KIF21A: variants seen among roughly 807,000 people sequenced by gnomAD.
KIF21A encodes kinesin-like protein KIF21A.
Under a neutral mutation model 202.9 loss-of-function variants are expected in KIF21A, and 114 were observed. That is an observed-to-expected ratio of 0.56 (90% CI 0.48 to 0.66). KIF21A has a LOEUF of 0.66. Among genes scored for constraint, KIF21A ranks in the 30% least tolerant of loss-of-function variants. The probability of loss-of-function intolerance (pLI) is 0.00; values close to 1 mark genes in which losing one functional copy is unlikely to be tolerated. For synonymous variants in KIF21A, 667 were observed against 670.8 expected (o/e 0.99, Z 0.09); for missense variants, 1,677 against 1,994.9 (o/e 0.84, Z 3.04).
chr12:39,352,048 T>C (rs994429769), intron 10 of KIF21A, 68 bp from the exon 11 acceptor site: 1 of 1,081,404 alleles, frequency 9.2e-7, no homozygotes, highest in Non-Finnish European at 1.4e-6. Context: ...TAACATAAAG[T>C]GTACCACACT....
At chr12:39,430,224 A>G (rs992609910) in intron 1 of KIF21A, among the ~76,000 whole-genome samples, 3 of 151,972 alleles carry the variant, frequency 2.0e-5, no homozygotes, top group Middle Eastern at 3.4e-3. Context: ...ATAAAAACGT[A>G]AATAAATAAA....
At chr12:39,319,335 C>T (rs904985346) in intron 28 of KIF21A, among the ~76,000 whole-genome samples, 1 of 151,966 alleles carries the variant, frequency 6.6e-6, no homozygotes, top group African/African-American at 2.4e-5. Flanking sequence ...TTGTAAACGC[C>T]CAGTTAAGTG....
chr12:39,336,822 T>C (rs1592216634), intron 17 of KIF21A, among the ~76,000 whole-genome samples: 3 of 152,202 alleles, frequency 2.0e-5, no homozygotes, highest in East Asian at 1.9e-4. Context: ...ATCCTAGAGA[T>C]AACCAGTCAT....
rs553243565 is a variant in KIF21A at position 39,327,050 on chromosome 12, C to T, written c.3341-726G>A. On this transcript the variant is annotated intron_variant, in intron 24 of 37. Coordinates refer to ENST00000361418, the MANE Select transcript of KIF21A (RefSeq NM_001173464.2). ...AAATAAAACAGCCACAGAAAGTAAA[C>T]GACTTAAAATGCCAGCGAGCCCCTA... Among the ~76,000 whole-genome samples the T allele has an allele frequency of 2.6e-3, 400 of 151,066 alleles. 3 individuals are homozygous for T. Among genetic ancestry groups the T allele is most frequent in the African/African-American group, 8.8e-3 (360 of 41,102 alleles).
intron 4 of KIF21A, among the ~76,000 whole-genome samples, chr12:39,367,627 G>C (rs1443470642): frequency 1.3e-5 from 2 of 152,126 alleles, no homozygotes; most frequent in Non-Finnish European, 2.9e-5. Flanking sequence ...TCTTTCTCTA[G>C]CTGTGAATGA....
intron 1 of KIF21A, among the ~76,000 whole-genome samples, chr12:39,425,814 C>A (rs1170127038): frequency 6.6e-6 from 1 of 151,566 alleles, no homozygotes; most frequent in Non-Finnish European, 1.5e-5. Context: ...GAGTCAGGTT[C>A]AAGCAAGTCT....
At position 39,436,448 on chromosome 12, in the gene KIF21A, A is replaced by ATTTT. The variant is rs1160949360; in HGVS notation, c.44+6475_44+6478dup. ...TATATATATATATATATATATATATATTTTTTTTTTTTTTAGACAGGGTTT... is the reference window on the plus strand; with the variant it reads ...TATATATATATATATATATATATATATTTTTTTTTTTTTTTTTTAGACAGGGTTT... On this transcript the variant is annotated intron_variant, in intron 1 of 37. Coordinates refer to ENST00000361418, the MANE Select transcript of KIF21A (RefSeq NM_001173464.2). 4.2e-3 allele frequency among the ~76,000 whole-genome samples: 404 copies of ATTTT among 95,588 alleles called. 8 individuals are homozygous for ATTTT. Among genetic ancestry groups the ATTTT allele is most frequent in the African/African-American group, 0.014 (267 of 19,736 alleles). 62.7% of individuals were successfully genotyped at this position (95,588 alleles called of 152,430 possible). A position where few individuals can be genotyped will look rare whatever the true frequency, so the allele number is the denominator to read the frequency against.
chr12:39,415,211 A>T (rs1269414516), intron 1 of KIF21A, among the ~76,000 whole-genome samples: 6 of 144,370 alleles, frequency 4.2e-5, no homozygotes, highest in African/African-American at 1.4e-4. Flanking sequence ...AAATTTTTTT[A>T]AAAGTCTGGT....
At chr12:39,400,737 C>G (rs1191119127) in intron 1 of KIF21A, among the ~76,000 whole-genome samples, 1 of 152,098 alleles carries the variant, frequency 6.6e-6, no homozygotes, top group Non-Finnish European at 1.5e-5. Context: ...TCACTAGGTC[C>G]AGAAATAGAG....
intron 26 of KIF21A, among the ~76,000 whole-genome samples, chr12:39,325,354 C>T (rs1301344903): frequency 6.9e-6 from 1 of 144,828 alleles, no homozygotes. Flanking sequence ...TTTTTTGAGA[C>T]GGAGTCTCGC....
chr12:39,298,720 T>C (rs1036184134), intron 37 of KIF21A, among the ~76,000 whole-genome samples: 1 of 152,170 alleles, frequency 6.6e-6, no homozygotes, highest in Admixed American at 6.5e-5. Flanking sequence ...AATATTACAA[T>C]GTCTAACATT....
intron 36 of KIF21A, 59 bp from the exon 37 acceptor site, chr12:39,301,738 C>T (rs1317097687): frequency 7.1e-7 from 1 of 1,413,742 alleles, no homozygotes; most frequent in Non-Finnish European, 1.0e-6. Context: ...GACATTTTCA[C>T]ATGAAAATAA....
At chr12:39,395,756 T>A (rs977497808) in intron 1 of KIF21A, among the ~76,000 whole-genome samples, 1 of 150,424 alleles carries the variant, frequency 6.6e-6, no homozygotes, top group Non-Finnish European at 1.5e-5. Flanking sequence ...GCAGGATAAT[T>A]GCTTGAAACC....
chr12:39,363,873 C>A (rs1288707516), intron 6 of KIF21A, among the ~76,000 whole-genome samples: 1 of 152,120 alleles, frequency 6.6e-6, no homozygotes, highest in Non-Finnish European at 1.5e-5. Context: ...CAAAAATCAG[C>A]TAAGCGTGGT....
chr12:39,366,406 G>T lies in KIF21A; in HGVS notation c.847C>A (p.Arg283Ser). ...GCCCTCTCGCCTGTAGCTCCAGTAC[G>T]CTTCAGTCTTTCAGATCCTGCGAGA... ...VDLAGSERLKRTGATGERAKE... is the reference protein window; with the variant it reads ...VDLAGSERLKSTGATGERAKE... The change falls in exon 6 of 38, where the codon CGT becomes AGT. Residue 283 changes from arginine (R) to serine (S), a missense_variant. Physicochemically the swap from Arg to Ser is moderately radical, Grantham distance 110 (BLOSUM62 -1). Coordinates refer to ENST00000361418, the MANE Select transcript of KIF21A (RefSeq NM_001173464.2). 2 of 1,613,778 alleles carry T rather than the reference G, an allele frequency of 1.2e-6. No homozygotes were observed. The highest frequency in any genetic ancestry group is 1.7e-6 in the Non-Finnish European group (2 of 1,179,870).
chr12:39,360,118 G>A (rs1395204167), intron 7 of KIF21A, among the ~76,000 whole-genome samples: 2 of 151,946 alleles, frequency 1.3e-5, no homozygotes. Context: ...CAATTGTATA[G>A]GGAAAACATC....
intron 5 of KIF21A, among the ~76,000 whole-genome samples, 186 bp from the exon 6 acceptor site, chr12:39,366,703 G>C (rs563426510): frequency 1.3e-5 from 2 of 152,152 alleles, no homozygotes; most frequent in Non-Finnish European, 2.9e-5. Flanking sequence ...TGGATGGTCA[G>C]AACTCAACTA....
chr12:39,383,817 C>T (rs935617185), intron 1 of KIF21A, among the ~76,000 whole-genome samples: 2 of 151,954 alleles, frequency 1.3e-5, no homozygotes, highest in African/African-American at 2.4e-5. Context: ...AAATAAATAA[C>T]TGTAATTAAA....
intron 11 of KIF21A, 115 bp downstream of exon 11, chr12:39,351,662 G>C (rs1258647862): frequency 2.4e-5 from 16 of 659,948 alleles, no homozygotes; most frequent in Non-Finnish European, 4.2e-5. Flanking sequence ...CTAACATAGT[G>C]ATTTATTTCA....
Sources: gnomAD v4.1 joint callset for allele counts (sites outside exome capture counted in the v4.1 genomes callset) on GRCh38, gnomAD v4.1.1 for gene constraint, MANE v1.5 for transcripts, NCBI Gene and HGNC (gene_info 2026-07-23, HGNC 2026-07-21) for gene names.